The following KLF17 variants were observed in gnomAD, a reference collection of about 807,000 sequenced individuals.
KLF17 encodes the protein KLF transcription factor 17.
Under a neutral mutation model 34.2 loss-of-function variants are expected in KLF17, and 31 were observed. That is an observed-to-expected ratio of 0.91 (90% CI 0.68 to 1.22). KLF17 has a LOEUF of 1.22. Among genes scored for constraint, KLF17 ranks in the 50% most tolerant of loss-of-function variants. KLF17 has a pLI of 0.00. For missense variants in KLF17, 478 were observed against 505.2 expected (o/e 0.95, Z 0.52); for synonymous variants, 179 against 186.7 (o/e 0.96, Z 0.34).
chr1:44,080,182 C>T, the KLF17 span, among the ~76,000 whole-genome samples: 1 of 151,010 alleles, frequency 6.6e-6, no homozygotes, highest in East Asian at 1.9e-4. Flanking sequence ...TCACCTTAGC[C>T]TCCCAAAGTG....
chr1:44,103,230 C>A, the KLF17 span: 20 of 653,772 alleles, frequency 3.1e-5, no homozygotes, highest in Non-Finnish European at 5.2e-5. Context: ...CCCTGTGCTC[C>A]CCTGCACAGC....
At chr1:44,114,356 C>T (rs1459335034), upstream of KLF17, 1 of 152,200 alleles carries the variant, frequency 6.6e-6, no homozygotes, top group African/African-American at 2.4e-5. Flanking sequence ...TGGTTCGAAA[C>T]ATATCCCGAC....
At chr1:44,053,173 T>C in the KLF17 span, among the ~76,000 whole-genome samples, 1 of 152,180 alleles carries the variant, frequency 6.6e-6, no homozygotes, top group African/African-American at 2.4e-5. Flanking sequence ...AGTGCTAGGA[T>C]TACAGATGTG....
At chr1:44,126,276 C>T (rs571905977) in intron 1 of KLF17, among the ~76,000 whole-genome samples, 3 of 152,258 alleles carry the variant, frequency 2.0e-5, no homozygotes, top group East Asian at 3.9e-4. Flanking sequence ...CCACCCGCCT[C>T]GGCCTCCCAA....
chr1:44,093,367 T>C, the KLF17 span, among the ~76,000 whole-genome samples: 1 of 152,106 alleles, frequency 6.6e-6, no homozygotes, highest in African/African-American at 2.4e-5. Context: ...CTTCAAAGAA[T>C]GGAAGCTTCT....
the KLF17 span, among the ~76,000 whole-genome samples, chr1:44,068,868 C>G: frequency 2.6e-5 from 4 of 152,188 alleles, no homozygotes; most frequent in African/African-American, 9.7e-5. Flanking sequence ...CCTGGCCCAT[C>G]CCCTGTTGTA....
At chr1:44,080,405 A>AT in the KLF17 span, among the ~76,000 whole-genome samples, 4 of 150,818 alleles carry the variant, frequency 2.7e-5, no homozygotes, top group South Asian at 2.1e-4. Context: ...CCCCTGGCTA[A>AT]TTTTTTATAT....
upstream of KLF17, chr1:44,115,472 A>AAG (rs869260928): frequency 7.2e-6 from 1 of 138,242 alleles, no homozygotes; most frequent in Non-Finnish European, 1.6e-5. Context: ...AAAAAAAAAA[A>AAG]CCAAAACAAA....
chr1:44,117,027 T>G (rs1470739925), upstream of KLF17: 1 of 152,144 alleles, frequency 6.6e-6, no homozygotes, highest in Non-Finnish European at 1.5e-5. Context: ...GGAGCCTTTT[T>G]GATTCCTCTT....
chr1:44,085,460 A>G, the KLF17 span, among the ~76,000 whole-genome samples: 1 of 152,144 alleles, frequency 6.6e-6, no homozygotes. Flanking sequence ...AGGAAAGAGC[A>G]TTCCAAGGCC....
At chr1:44,112,685 G>A in the KLF17 span, among the ~76,000 whole-genome samples, 1 of 152,182 alleles carries the variant, frequency 6.6e-6, no homozygotes, top group East Asian at 1.9e-4. Context: ...TGGGATTATG[G>A]ATGTGAGTCA....
At chr1:44,078,440 T>C in the KLF17 span, among the ~76,000 whole-genome samples, 10 of 150,462 alleles carry the variant, frequency 6.6e-5, no homozygotes, top group African/African-American at 9.7e-5. Context: ...CCTTCTTCTT[T>C]TTTTTTTTTT....
the KLF17 span, among the ~76,000 whole-genome samples, chr1:44,046,410 C>T: frequency 1.3e-5 from 2 of 151,726 alleles, no homozygotes; most frequent in South Asian, 2.1e-4. Flanking sequence ...TTTGTAGAGA[C>T]GGGGTCTGCT....
chr1:44,084,485 C>G, the KLF17 span, among the ~76,000 whole-genome samples: 241 of 151,872 alleles, frequency 1.6e-3, no homozygotes, highest in African/African-American at 5.2e-3. Flanking sequence ...TGAGGCCAGC[C>G]TGGCCTCAAA....
the KLF17 span, among the ~76,000 whole-genome samples, chr1:44,065,779 C>T: frequency 6.6e-6 from 1 of 152,058 alleles, no homozygotes; most frequent in Admixed American, 6.5e-5. Context: ...AAATACATGC[C>T]ACAAGCAAAG....
At chr1:44,100,594 G>A in the KLF17 span, among the ~76,000 whole-genome samples, 3 of 152,124 alleles carry the variant, frequency 2.0e-5, no homozygotes, top group Non-Finnish European at 4.4e-5. Context: ...AACTTTTATA[G>A]GTGTGAGCCA....
At chr1:44,051,546 T>C in the KLF17 span, 1 of 151,880 alleles carries the variant, frequency 6.6e-6, no homozygotes, top group Non-Finnish European at 1.5e-5. Context: ...GCTCAGGAAT[T>C]AAAGCCTTTG....
At chr1:44,059,719 C>G in the KLF17 span, among the ~76,000 whole-genome samples, 1 of 152,048 alleles carries the variant, frequency 6.6e-6, no homozygotes, top group Non-Finnish European at 1.5e-5. Flanking sequence ...CTCCAATGCA[C>G]TAATGATTCT....
At chr1:44,080,764 G>C in the KLF17 span, among the ~76,000 whole-genome samples, 1 of 139,348 alleles carries the variant, frequency 7.2e-6, no homozygotes, top group African/African-American at 2.8e-5. Flanking sequence ...ACCCAGGCTG[G>C]AGTGCGATGG....
Sources: gnomAD v4.1 joint callset for allele counts (sites outside exome capture counted in the v4.1 genomes callset) on GRCh38, gnomAD v4.1.1 for gene constraint, MANE v1.5 for transcripts, NCBI Gene and HGNC (gene_info 2026-07-23, HGNC 2026-07-21) for gene names.